Variants in BTRC observed in about 807,000 individuals in gnomAD.
BTRC encodes the protein F-box/WD repeat-containing protein 1A.
A neutral mutation model predicts 85.5 loss-of-function variants in BTRC; 42 were observed. The observed-to-expected ratio is 0.49, with a 90% confidence interval of 0.38 to 0.64. The LOEUF (loss-of-function observed/expected upper bound fraction) is 0.64. Among genes scored for constraint, BTRC ranks in the 30% least tolerant of loss-of-function variants. The pLI is 0.00. For synonymous variants in BTRC, 255 were observed against 263.3 expected, an observed-to-expected ratio of 0.97 and a Z score of 0.30; for missense variants, 594 against 743.5, an observed-to-expected ratio of 0.80 and a Z score of 2.34.
intron 13 of BTRC, among the ~76,000 whole-genome samples, chr10:101,550,459 A>G (rs562382934): frequency 6.6e-6 from 1 of 151,674 alleles, no homozygotes; most frequent in African/African-American, 2.4e-5. Flanking sequence ...AACTTTTTGT[A>G]TTTTTATAGA....
At chr10:101,531,765 A>G (rs1417806648) in intron 7 of BTRC, among the ~76,000 whole-genome samples, 1 of 152,204 alleles carries the variant, frequency 6.6e-6, no homozygotes. Flanking sequence ...ACAGGCGAGT[A>G]GGGTAGGTAA....
chr10:101,540,117 C>T (rs2062444127), intron 13 of BTRC, among the ~76,000 whole-genome samples: 1 of 152,168 alleles, frequency 6.6e-6, no homozygotes, highest in Admixed American at 6.5e-5. Context: ...AAAAGCGGTT[C>T]TTAATTTTAA....
intron 1 of BTRC, among the ~76,000 whole-genome samples, chr10:101,366,908 T>TTATATACA (rs1564730207): frequency 1.1e-4 from 2 of 18,870 alleles, no homozygotes; most frequent in Admixed American, 1.0e-3. Flanking sequence ...TTATATATAT[T>TTATATACA]AATATATATT....
At chr10:101,432,139 T>G (rs1944418582) in intron 2 of BTRC, among the ~76,000 whole-genome samples, 1 of 152,006 alleles carries the variant, frequency 6.6e-6, no homozygotes, top group African/African-American at 2.4e-5. Context: ...TTTTCCTTTT[T>G]TTTTTTTTGA....
Position 101,557,183 on chromosome 10 carries a change from A to AT in BTRC, c.*4062dup, listed in dbSNP as rs1200438537. ...AGTACTGACTGCTTTGACTTTTGTG[A>AT]TTATGTTATGGTGATGTGTAGTCAG... On this transcript the variant is annotated 3_prime_UTR_variant, in exon 15 of 15. Coordinates refer to ENST00000370187, the MANE Select transcript of BTRC (RefSeq NM_033637.4). 1 of 152,036 alleles carries AT rather than the reference A, an allele frequency of 6.6e-6. No individual in the cohort carries two copies. Among genetic ancestry groups the AT allele is most frequent in the Non-Finnish European group, 1.5e-5 (1 of 68,018 alleles). The allele number at this position is 152,036 out of a possible 1,614,324, so 9.4% of individuals were successfully genotyped here. A position where few individuals can be genotyped will look rare whatever the true frequency, so the allele number is the denominator to read the frequency against.
At chr10:101,498,281 G>A (rs528952543) in intron 4 of BTRC, among the ~76,000 whole-genome samples, 1 of 152,006 alleles carries the variant, frequency 6.6e-6, no homozygotes, top group South Asian at 2.1e-4. Flanking sequence ...AGCCTCCCTA[G>A]TAGCTGGGAC....
intron 5 of BTRC, 143 bp downstream of exon 5, chr10:101,522,013 GCTTTTT>G: frequency 1.2e-5 from 1 of 80,794 alleles, no homozygotes. Context: ...TTGATATAAA[GCTTTTT>G]TTTTTTTTTT....
At chr10:101,432,347 C>T (rs908995189) in intron 2 of BTRC, among the ~76,000 whole-genome samples, 3 of 151,906 alleles carry the variant, frequency 2.0e-5, no homozygotes, top group East Asian at 3.9e-4. Context: ...AGGCTGGTAT[C>T]GAACTCCCCA....
intron 4 of BTRC, among the ~76,000 whole-genome samples, chr10:101,481,276 G>A (rs1945827229): frequency 6.6e-6 from 1 of 152,154 alleles, no homozygotes; most frequent in African/African-American, 2.4e-5. Context: ...TTTGTGCATG[G>A]AAACAGGGAT....
At chr10:101,515,573 G>T (rs1048916716) in intron 4 of BTRC, among the ~76,000 whole-genome samples, 1 of 149,700 alleles carries the variant, frequency 6.7e-6, no homozygotes, top group Non-Finnish European at 1.5e-5. Context: ...GTGCAGTGGC[G>T]TGATCTCAGC....
chr10:101,525,679 A>G (rs899408542), intron 5 of BTRC, among the ~76,000 whole-genome samples: 1 of 152,158 alleles, frequency 6.6e-6, no homozygotes, highest in Non-Finnish European at 1.5e-5. Context: ...CCATCCATAG[A>G]ACATCCCCTA....
intron 1 of BTRC, among the ~76,000 whole-genome samples, chr10:101,367,951 A>G (rs960937781): frequency 6.6e-6 from 1 of 152,318 alleles, no homozygotes; most frequent in Non-Finnish European, 1.5e-5. Context: ...TCTGTTGGGT[A>G]GGTACCTGAG....
At chr10:101,363,787 G>A (rs1942284615) in intron 1 of BTRC, among the ~76,000 whole-genome samples, 1 of 152,162 alleles carries the variant, frequency 6.6e-6, no homozygotes, top group African/African-American at 2.4e-5. Flanking sequence ...TCTGAGGTAG[G>A]CAGTCAAGCG....
chr10:101,487,692 GT>G (rs1390794025), intron 4 of BTRC, among the ~76,000 whole-genome samples: 1 of 152,192 alleles, frequency 6.6e-6, no homozygotes, highest in East Asian at 1.9e-4. Flanking sequence ...AAAAGATCAG[GT>G]GGGGTAAGCA....
intron 1 of BTRC, among the ~76,000 whole-genome samples, chr10:101,413,199 A>G (rs1943830593): frequency 6.6e-6 from 1 of 152,208 alleles, no homozygotes; most frequent in South Asian, 2.1e-4. Context: ...ATCTCGGCTC[A>G]CTGCAACCTC....
chr10:101,486,087 A>G (rs1945977385), intron 4 of BTRC, among the ~76,000 whole-genome samples: 1 of 152,132 alleles, frequency 6.6e-6, no homozygotes, highest in African/African-American at 2.4e-5. Context: ...TGGCAGGGAG[A>G]GAGGCATGTT....
intron 4 of BTRC, among the ~76,000 whole-genome samples, chr10:101,499,328 C>T (rs1373297934): frequency 6.6e-6 from 1 of 151,920 alleles, no homozygotes; most frequent in East Asian, 1.9e-4. Context: ...CCTCCGCCTT[C>T]TGGGCTCAAG....
chr10:101,482,540 C>T (rs1469816663), intron 4 of BTRC, among the ~76,000 whole-genome samples: 1 of 151,580 alleles, frequency 6.6e-6, no homozygotes, highest in African/African-American at 2.4e-5. Flanking sequence ...GGACTATAGG[C>T]GCCCGCCACC....
chr10:101,372,721 C>T (rs1044741289), intron 1 of BTRC, among the ~76,000 whole-genome samples: 8 of 151,428 alleles, frequency 5.3e-5, no homozygotes, highest in Non-Finnish European at 1.2e-4. Context: ...AAAAATTAGC[C>T]GGGCATGGTG....
Sources: gnomAD v4.1 joint callset for allele counts (sites outside exome capture counted in the v4.1 genomes callset) on GRCh38, gnomAD v4.1.1 for gene constraint, MANE v1.5 for transcripts, NCBI Gene and HGNC (gene_info 2026-07-23, HGNC 2026-07-21) for gene names.